Variants in CHD9 observed in about 807,000 individuals in gnomAD.
CHD9 encodes the protein ATP-dependent chromatin remodeler CHD9.
A neutral mutation model predicts 316.1 loss-of-function variants in CHD9; 77 were observed. The ratio of observed to expected loss-of-function variants is 0.24; its 90% CI spans 0.20 to 0.29. The LOEUF (loss-of-function observed/expected upper bound fraction) is 0.29, where lower values mean the gene tolerates loss of function less well. Among genes scored for constraint, CHD9 ranks in the 10% least tolerant of loss-of-function variants. CHD9 has a pLI of 1.00. For missense variants in CHD9, 2,763 were observed against 3,438.1 expected (o/e 0.80, Z 4.91); for synonymous variants, 1,129 against 1,158.3 (o/e 0.97, Z 0.51).
intron 1 of CHD9, among the ~76,000 whole-genome samples, chr16:53,098,532 A>G (rs554450623): frequency 2.6e-4 from 39 of 151,908 alleles, no homozygotes; most frequent in South Asian, 1.0e-3. Flanking sequence ...TTTTGTGTCT[A>G]TTATACCTAA....
At chr16:53,155,578 A>G (rs2041462319) in intron 1 of CHD9, among the ~76,000 whole-genome samples, 1 of 152,222 alleles carries the variant, frequency 6.6e-6, no homozygotes, top group South Asian at 2.1e-4. Context: ...TCTAAAGTGT[A>G]TATTTAGTGG....
chr16:53,277,278 A>T (rs2052937017), intron 24 of CHD9, among the ~76,000 whole-genome samples: 1 of 152,194 alleles, frequency 6.6e-6, no homozygotes, highest in South Asian at 2.1e-4. Flanking sequence ...TCACCCTGAT[A>T]CCAAAACCAG....
chr16:53,284,355 A>C (rs1453573696), intron 24 of CHD9, among the ~76,000 whole-genome samples: 2 of 151,320 alleles, frequency 1.3e-5, no homozygotes, highest in South Asian at 2.1e-4. Flanking sequence ...GTGTGTGTAT[A>C]TATATATATA....
chr16:53,153,945 G>A (rs776012745), intron 1 of CHD9, among the ~76,000 whole-genome samples: 1 of 152,190 alleles, frequency 6.6e-6, no homozygotes, highest in African/African-American at 2.4e-5. Flanking sequence ...CTGTATGCTA[G>A]CTGGTAAGGT....
chr16:53,222,665 T>G lies in CHD9; in HGVS notation c.1806T>G (p.Gly602=). ...ACAGCAAACTCATTATTACATTGGG[T>G]AAGAAACAAAAAAGAAAGAATGAGT... The part of the protein sequence containing the change: ...TKIGKLIITL[G]KKQKRKNESS... The change falls in exon 4 of 39, where the codon GGT becomes GGG. Residue 602 remains glycine, a synonymous_variant. Transcript: ENST00000447540. The G allele has an allele frequency of 6.5e-7, 1 of 1,540,188 alleles. No individual in the cohort carries two copies. The highest frequency in any genetic ancestry group is 8.9e-7 in the Non-Finnish European group (1 of 1,123,894).
chr16:53,321,762 T>C, intron 38 of CHD9, 132 bp downstream of exon 38: 1 of 543,434 alleles, frequency 1.8e-6, no homozygotes, highest in African/African-American at 1.9e-5. Flanking sequence ...GCAATTTTTA[T>C]TTTGCAGTAC....
At chr16:53,221,237 A>G (rs190046715) in intron 3 of CHD9, among the ~76,000 whole-genome samples, 2 of 152,218 alleles carry the variant, frequency 1.3e-5, no homozygotes, top group East Asian at 3.8e-4. Flanking sequence ...AGTTATTATG[A>G]TATCCCTATT....
intron 37 of CHD9, among the ~76,000 whole-genome samples, 155 bp downstream of exon 37, chr16:53,318,495 GCAGTCTAATTT>G (rs2057041067): frequency 6.6e-6 from 1 of 152,202 alleles, no homozygotes. Context: ...ATAATTTTAT[GCAGTCTAATTT>G]CAAATCTTGC....
intron 24 of CHD9, among the ~76,000 whole-genome samples, chr16:53,276,194 C>G (rs755344997): frequency 3.9e-5 from 6 of 152,156 alleles, no homozygotes; most frequent in Non-Finnish European, 8.8e-5. Context: ...TTTTGCCTGT[C>G]TTTCCTTCTG....
intron 32 of CHD9, 57 bp from the exon 33 acceptor site, chr16:53,307,624 C>T (rs1837239221): frequency 2.0e-6 from 3 of 1,472,738 alleles, no homozygotes; most frequent in South Asian, 1.4e-5. Flanking sequence ...GCTATTTGAT[C>T]TCCAAAGGTC....
intron 12 of CHD9, among the ~76,000 whole-genome samples, chr16:53,242,160 G>GA (rs1567544506): frequency 4.1e-4 from 62 of 152,138 alleles, no homozygotes; most frequent in African/African-American, 1.5e-3. Flanking sequence ...TCGCAATAAT[G>GA]GTCTCCCAAC....
chr16:53,160,465 A>G (rs2041830132), intron 2 of CHD9, among the ~76,000 whole-genome samples: 1 of 152,074 alleles, frequency 6.6e-6, no homozygotes, highest in South Asian at 2.1e-4. Context: ...ACCTTAAATC[A>G]TCTTATTCTA....
Position 53,070,485 on chromosome 16 carries a change from TTTCTTTCCTTCCTTCCTTCCTTCC to T in CHD9, c.-165+15412_-165+15435del, listed in dbSNP as rs944870101. On this transcript the variant is annotated intron_variant, in intron 1 of 38. Transcript: ENST00000447540. ...CGAGTAGCATGTCTTTCTTTCTTTCTTTCTTTCCTTCCTTCCTTCCTTCCTTCCTTCCTTCCTTCCTTCCTTCCT... is the reference window on the plus strand; with the variant it reads ...CGAGTAGCATGTCTTTCTTTCTTTCTTTCCTTCCTTCCTTCCTTCCTTCCT... Among the ~76,000 whole-genome samples, 15 of 148,100 alleles carry T rather than the reference TTTCTTTCCTTCCTTCCTTCCTTCC, an allele frequency of 1.0e-4. No individual in the cohort carries two copies. In the East Asian group the frequency reaches 3.0e-3, roughly 29 times the overall value.
chr16:53,229,507 C>G (rs1291742961), intron 8 of CHD9, among the ~76,000 whole-genome samples: 1 of 152,152 alleles, frequency 6.6e-6, no homozygotes, highest in Admixed American at 6.5e-5. Context: ...AACAGAACCT[C>G]TGGAAAAATT....
intron 24 of CHD9, among the ~76,000 whole-genome samples, chr16:53,275,074 C>T (rs987059547): frequency 3.4e-4 from 51 of 152,238 alleles, no homozygotes; most frequent in African/African-American, 1.2e-3. Context: ...CTCTTTCACC[C>T]AGTCTGGAGT....
At chr16:53,057,189 G>A (rs2152490027) in intron 1 of CHD9, among the ~76,000 whole-genome samples, 1 of 151,924 alleles carries the variant, frequency 6.6e-6, no homozygotes, top group East Asian at 1.9e-4. Context: ...AAAAAAATAT[G>A]TTTGTGGCCG....
intron 2 of CHD9, among the ~76,000 whole-genome samples, chr16:53,197,953 C>T (rs182257797): frequency 2.0e-4 from 31 of 152,202 alleles, no homozygotes; most frequent in African/African-American, 4.1e-4. Context: ...CCACCATGCC[C>T]GGCCTCCCTA....
At chr16:53,323,059 A>G (rs2057377706) in intron 38 of CHD9, among the ~76,000 whole-genome samples, 1 of 152,210 alleles carries the variant, frequency 6.6e-6, no homozygotes, top group African/African-American at 2.4e-5. Context: ...GCATTGTCAC[A>G]AACAGTAGCC....
intron 29 of CHD9, among the ~76,000 whole-genome samples, chr16:53,294,869 A>G (rs1254176572): frequency 6.6e-6 from 1 of 152,230 alleles, no homozygotes; most frequent in Non-Finnish European, 1.5e-5. Context: ...GTTTTATCAT[A>G]ACATTTGATG....
Sources: gnomAD v4.1 joint callset for allele counts (sites outside exome capture counted in the v4.1 genomes callset) on GRCh38, gnomAD v4.1.1 for gene constraint, MANE v1.5 for transcripts, NCBI Gene and HGNC (gene_info 2026-07-23, HGNC 2026-07-21) for gene names.